Variants in CSMD2 observed in about 807,000 individuals in gnomAD.
CSMD2 encodes CUB and sushi domain-containing protein 2.
In CSMD2, 130 loss-of-function variants were observed where a neutral mutation model predicts 398.5. That is an observed-to-expected ratio of 0.33 (90% confidence interval 0.28 to 0.38). CSMD2 has a LOEUF of 0.38. Ranked by LOEUF, CSMD2 falls within the 10% of genes least tolerant of loss-of-function variation. The pLI, the probability that CSMD2 is intolerant of heterozygous loss-of-function variation, is 1.00. For synonymous variants in CSMD2, 1,828 were observed against 1,908.5 expected (o/e 0.96, Z 1.10); for missense variants, 3,829 against 4,764.9 (o/e 0.80, Z 5.78).
chr1:33,522,437 G>A (rs936072877), intron 67 of CSMD2, among the ~76,000 whole-genome samples: 3 of 152,188 alleles, frequency 2.0e-5, no homozygotes, highest in Admixed American at 6.5e-5. Flanking sequence ...TTTGGGCCAC[G>A]ATGATTGAAG....
At chr1:33,586,025 G>A (rs540992183) in intron 46 of CSMD2, among the ~76,000 whole-genome samples, 2 of 152,298 alleles carry the variant, frequency 1.3e-5, no homozygotes, top group East Asian at 3.9e-4. Flanking sequence ...GATCTTAATT[G>A]GGGTGACTCG....
intron 48 of CSMD2, among the ~76,000 whole-genome samples, chr1:33,577,721 G>A (rs1638389752): frequency 6.6e-6 from 1 of 152,204 alleles, no homozygotes; most frequent in Non-Finnish European, 1.5e-5. Context: ...CCAGCTTCAT[G>A]AAGCACTGGG....
At chr1:34,038,879 C>T (rs1477724290) in intron 2 of CSMD2, among the ~76,000 whole-genome samples, 1 of 152,152 alleles carries the variant, frequency 6.6e-6, no homozygotes, top group Non-Finnish European at 1.5e-5. Flanking sequence ...ATACTCTTCC[C>T]CCGCTTTTCT....
intron 10 of CSMD2, among the ~76,000 whole-genome samples, chr1:33,794,615 A>G (rs1654720750): frequency 1.3e-5 from 2 of 152,188 alleles, no homozygotes; most frequent in South Asian, 4.1e-4. Flanking sequence ...TAATGCTAAG[A>G]ATTTTGGGCT....
At chr1:34,028,021 T>G (rs1352171471) in intron 3 of CSMD2, among the ~76,000 whole-genome samples, 1 of 152,164 alleles carries the variant, frequency 6.6e-6, no homozygotes, top group Non-Finnish European at 1.5e-5. Context: ...GGATGCTCAG[T>G]TATATTTAAA....
intron 5 of CSMD2, among the ~76,000 whole-genome samples, chr1:33,903,212 C>T (rs1189960897): frequency 1.3e-5 from 2 of 151,878 alleles, no homozygotes; most frequent in Non-Finnish European, 2.9e-5. Flanking sequence ...TCTGAGGTTG[C>T]AAGTTTGAGC....
At chr1:33,999,887 T>C (rs1646846991) in intron 3 of CSMD2, among the ~76,000 whole-genome samples, 1 of 152,212 alleles carries the variant, frequency 6.6e-6, no homozygotes, top group African/African-American at 2.4e-5. Context: ...TAAATGTTAC[T>C]ATATTTGCAT....
At chr1:33,596,337 C>T (rs1570878973) in intron 44 of CSMD2, among the ~76,000 whole-genome samples, 1 of 152,130 alleles carries the variant, frequency 6.6e-6, no homozygotes, top group Non-Finnish European at 1.5e-5. Context: ...CATCCCTGTA[C>T]AGATACCTAA....
chr1:33,707,846 A>C (rs1236991825), intron 22 of CSMD2, among the ~76,000 whole-genome samples: 1 of 152,180 alleles, frequency 6.6e-6, no homozygotes, highest in African/African-American at 2.4e-5. Flanking sequence ...GATAATCTGA[A>C]AGCATGGAAA....
intron 3 of CSMD2, among the ~76,000 whole-genome samples, chr1:34,008,816 T>C (rs1262568264): frequency 6.6e-6 from 1 of 152,226 alleles, no homozygotes; most frequent in African/African-American, 2.4e-5. Flanking sequence ...TTCATGACTA[T>C]ATTCCCAGTG....
chr1:33,905,072 T>C (rs1643004883), intron 5 of CSMD2, among the ~76,000 whole-genome samples: 1 of 152,120 alleles, frequency 6.6e-6, no homozygotes, highest in African/African-American at 2.4e-5. Context: ...CCTAAGTAGC[T>C]GAAACTAGAG....
intron 2 of CSMD2, among the ~76,000 whole-genome samples, chr1:34,081,321 G>A (rs577819131): frequency 6.6e-6 from 1 of 152,212 alleles, no homozygotes; most frequent in African/African-American, 2.4e-5. Context: ...TGTCCTCTAA[G>A]GTCATTTCCC....
intron 3 of CSMD2, among the ~76,000 whole-genome samples, chr1:34,000,547 CCA>C (rs2148030729): frequency 6.6e-6 from 1 of 152,190 alleles, no homozygotes; most frequent in Non-Finnish European, 1.5e-5. Flanking sequence ...TTCCCAGGCC[CCA>C]GAGTTCTGCA....
At chr1:33,578,286 A>C (rs11800066) in intron 48 of CSMD2, among the ~76,000 whole-genome samples, 4,377 of 152,330 alleles carry the variant, frequency 0.029, 219 homozygotes, top group African/African-American at 0.1. Context: ...ACAGTGAAGA[A>C]AACAGACCAA....
rs572841589 is a variant in CSMD2 at position 33,715,041 on chromosome 1, C to T, written c.3218-266G>A. Among the ~76,000 whole-genome samples the T allele has an allele frequency of 1.2e-4, 19 of 152,202 alleles. 1 individual carries two copies. Among genetic ancestry groups the T allele is most frequent in the South Asian group, 4.1e-4 (2 of 4,820 alleles). On this transcript the variant is annotated intron_variant, in intron 20 of 70. Coordinates refer to ENST00000373381, the MANE Select transcript of CSMD2 (RefSeq NM_001281956.2). ...AGAAGCACGGGGAGGCCAGGACGGGCGGTCTGCACCCACTCCTGTGAGCAG... is the reference window on the plus strand; with the variant it reads ...AGAAGCACGGGGAGGCCAGGACGGGTGGTCTGCACCCACTCCTGTGAGCAG...
chr1:33,961,157 C>A lies in CSMD2; in HGVS notation c.518-25203G>T, dbSNP rs1283047784. Among the ~76,000 whole-genome samples, 3 of 152,380 alleles carry A rather than the reference C, an allele frequency of 2.0e-5. No individual in the cohort carries two copies. In the South Asian group the frequency reaches 6.2e-4, roughly 32 times the overall value. On this transcript the variant is annotated intron_variant, in intron 3 of 70. Coordinates refer to ENST00000373381, the MANE Select transcript of CSMD2 (RefSeq NM_001281956.2). ...GCACCCACAACTCATGGCTTGGCAG[C>A]CTCCCTGCCTGGTCTCACCATTGCC...
At chr1:33,581,013 T>G in intron 47 of CSMD2, 114 bp from the exon 48 acceptor site, 1 of 960,490 alleles carries the variant, frequency 1.0e-6, no homozygotes, top group South Asian at 1.7e-5. Context: ...GCAAAATCAT[T>G]TGTACTTGCA....
chr1:33,754,006 A>G (rs1418151912), intron 13 of CSMD2, among the ~76,000 whole-genome samples: 1 of 152,140 alleles, frequency 6.6e-6, no homozygotes, highest in Non-Finnish European at 1.5e-5. Flanking sequence ...TCTTCAGATG[A>G]GCCTTTAGAC....
At position 33,603,241 on chromosome 1, in the gene CSMD2, C is replaced by T. The variant is rs565780706; in HGVS notation, c.6533-695G>A. The stretch of plus-strand genomic sequence containing the variant: ...TGCTATGTAGATAAGATCCTCTCTC[C>T]TTATCTTCCTGTTCCCCAAAAGCAA... On this transcript the variant is annotated intron_variant, in intron 42 of 70. Coordinates refer to ENST00000373381, the MANE Select transcript of CSMD2 (RefSeq NM_001281956.2). Among the ~76,000 whole-genome samples the T allele has an allele frequency of 2.6e-5, 4 of 152,278 alleles. No individual in the cohort carries two copies. In the South Asian group the frequency reaches 8.3e-4, roughly 32 times the overall value.
Sources: gnomAD v4.1 joint callset for allele counts (sites outside exome capture counted in the v4.1 genomes callset) on GRCh38, gnomAD v4.1.1 for gene constraint, MANE v1.5 for transcripts, NCBI Gene and HGNC (gene_info 2026-07-23, HGNC 2026-07-21) for gene names.